Variants in PCDHA5 observed in about 807,000 individuals in gnomAD.
The protein encoded by PCDHA5 is protocadherin alpha-5.
PCDHA5 carries 43 observed loss-of-function variants against 61.6 expected under a neutral mutation model. The ratio of observed to expected loss-of-function variants is 0.70; its 90% CI spans 0.55 to 0.90. PCDHA5 has a LOEUF of 0.90. Among genes scored for constraint, PCDHA5 ranks in the 40% least tolerant of loss-of-function variants. The pLI is 0.00. For missense variants in PCDHA5, 1,298 were observed against 1,222.7 expected (o/e 1.06, Z -0.92); for synonymous variants, 627 against 543.9 (o/e 1.15, Z -2.13).
At chr5:140,934,279 A>G (rs2089746811) in intron 1 of PCDHA5, among the ~76,000 whole-genome samples, 1 of 152,104 alleles carries the variant, frequency 6.6e-6, no homozygotes, top group South Asian at 2.1e-4. Flanking sequence ...TGCTTCATCA[A>G]GGGCATTCTT....
Position 140,822,563 on chromosome 5 carries a change from T to A in PCDHA5, c.788T>A (p.Leu263Gln). The stretch of plus-strand genomic sequence containing the variant: ...CCAAGTGGGACATTAGTTATTAAAC[T>A]GAACGCCTCAGATGCAGATGAGGGC... ...NAPSGTLVIKLNASDADEGIN... is the reference protein window; with the variant it reads ...NAPSGTLVIKQNASDADEGIN... Residue 263 changes from leucine (L) to glutamine (Q), a missense_variant, in exon 1 of 4, where the codon CTG becomes CAG. By Grantham distance (113) the Leu-to-Gln change is moderately radical. Transcript: ENST00000529859. 1.9e-6 allele frequency: 3 copies of A among 1,613,440 alleles called. No individual in the cohort carries two copies. Among genetic ancestry groups the A allele is most frequent in the Non-Finnish European group, 2.5e-6 (3 of 1,179,528 alleles).
At chr5:140,968,961 A>G (rs1554231270) in intron 1 of PCDHA5, 1 of 1,614,088 alleles carries the variant, frequency 6.2e-7, no homozygotes, top group African/African-American at 1.3e-5. Context: ...ATCAAGTGCT[A>G]CCGCTACACT....
chr5:140,868,930 G>T, intron 1 of PCDHA5: 8 of 1,085,624 alleles, frequency 7.4e-6, no homozygotes, highest in Non-Finnish European at 1.0e-5. Context: ...TTCATTTAAA[G>T]GTTGGTCTGA....
At chr5:140,874,401 A>G (rs2054889687) in intron 1 of PCDHA5, among the ~76,000 whole-genome samples, 1 of 152,218 alleles carries the variant, frequency 6.6e-6, no homozygotes, top group African/African-American at 2.4e-5. Context: ...CTTGCATAAC[A>G]GTCACCATTC....
At chr5:140,863,208 C>T in intron 1 of PCDHA5, 2 of 990,676 alleles carry the variant, frequency 2.0e-6, no homozygotes, top group Non-Finnish European at 3.1e-6. Context: ...TGGCGGAGAG[C>T]AGCCAAGCGA....
intron 1 of PCDHA5, among the ~76,000 whole-genome samples, chr5:140,907,888 C>G (rs1441879791): frequency 6.6e-6 from 1 of 152,234 alleles, no homozygotes; most frequent in Non-Finnish European, 1.5e-5. Flanking sequence ...ACATGGGATA[C>G]AAATATCTTC....
chr5:140,842,218 G>A, intron 1 of PCDHA5: 1 of 1,613,154 alleles, frequency 6.2e-7, no homozygotes, highest in Non-Finnish European at 8.5e-7. Context: ...ATCGAAATAC[G>A]GGAGAAATAG....
intron 1 of PCDHA5, among the ~76,000 whole-genome samples, chr5:140,955,604 C>T (rs1431862665): frequency 7.2e-5 from 11 of 152,060 alleles, no homozygotes; most frequent in Non-Finnish European, 1.5e-4. Context: ...TATAAATTAC[C>T]CAGTCTCAGG....
intron 1 of PCDHA5, chr5:140,841,865 G>C: frequency 1.2e-6 from 2 of 1,613,856 alleles, no homozygotes; most frequent in Non-Finnish European, 1.7e-6. Flanking sequence ...CATGCTAGAT[G>C]TGAATTCAAA....
intron 3 of PCDHA5, among the ~76,000 whole-genome samples, chr5:141,000,961 C>A (rs1207814885): frequency 6.6e-6 from 1 of 151,948 alleles, no homozygotes; most frequent in Non-Finnish European, 1.5e-5. Flanking sequence ...GTAATTTAAG[C>A]CTTCATATTC....
At chr5:141,009,494 A>T in intron 3 of PCDHA5, 133 bp from the exon 4 acceptor site, 1 of 1,488,918 alleles carries the variant, frequency 6.7e-7, no homozygotes, top group South Asian at 1.4e-5. Flanking sequence ...TTGCCCTCAG[A>T]CTTGAACAAA....
In PCDHA5 at chr5:140,852,727, G is replaced by T. The variant is rs1395858951; in HGVS notation, c.2352+28600G>T. The T allele has an allele frequency of 2.0e-6, 2 of 983,412 alleles. 1 individual carries two copies. The highest frequency in any genetic ancestry group is 2.5e-6 in the Non-Finnish European group (2 of 816,078). 60.9% of individuals were successfully genotyped at this position (983,412 alleles called of 1,614,324 possible). A position where few individuals can be genotyped will look rare whatever the true frequency, so the allele number is the denominator to read the frequency against. On this transcript the variant is annotated intron_variant, in intron 1 of 3. Transcript: ENST00000529859. ...ATCTTTGTCTTTGCACGTTTTTCAA[G>T]TTTCATGTGCCATTTAAACTTGGAC...
At chr5:140,877,127 A>G (rs2056869003) in intron 1 of PCDHA5, 1 of 1,613,602 alleles carries the variant, frequency 6.2e-7, no homozygotes, top group African/African-American at 1.3e-5. Flanking sequence ...GTGACGCTGC[A>G]GGTGTTCGTG....
chr5:140,824,401 T>A (rs1459968024), intron 1 of PCDHA5: 3 of 544,498 alleles, frequency 5.5e-6, no homozygotes, highest in Non-Finnish European at 9.7e-6. Context: ...GGATAATAAT[T>A]GTAAGACATA....
At chr5:140,851,027 C>A in intron 1 of PCDHA5, 2 of 1,410,188 alleles carry the variant, frequency 1.4e-6, no homozygotes, top group Non-Finnish European at 1.9e-6. Flanking sequence ...TAAAGTAAAC[C>A]CCTTAACATT....
chr5:140,882,022 A>G (rs2153382292), intron 1 of PCDHA5: 2 of 571,970 alleles, frequency 3.5e-6, no homozygotes, highest in Non-Finnish European at 5.6e-6. Flanking sequence ...TACTACATCA[A>G]TGGAAAATAT....
chr5:140,823,399 C>G lies in PCDHA5; in HGVS notation c.1624C>G (p.Pro542Ala). 1 of 1,612,960 alleles carries G rather than the reference C, an allele frequency of 6.2e-7. No individual in the cohort carries two copies. The highest frequency in any genetic ancestry group is 8.5e-7 in the Non-Finnish European group (1 of 1,179,808). The change falls in exon 1 of 4, where the codon CCG becomes GCG. Residue 542 changes from proline to alanine, a missense_variant. Physicochemically the swap from Pro to Ala is conservative, Grantham distance 27. Coordinates refer to ENST00000529859, the MANE Select transcript of PCDHA5 (RefSeq NM_018908.3). Reference sequence around the variant, plus strand: ...GGTGAGCGCGCGCGACGCGGGCGTGCCGCCTCTGGGCAGCAACGTGACGCT... The same window carrying G: ...GGTGAGCGCGCGCGACGCGGGCGTGGCGCCTCTGGGCAGCAACGTGACGCT... ...FQVSARDAGV[P>A]PLGSNVTLQV...
intron 1 of PCDHA5, chr5:140,967,436 C>A (rs781894469): frequency 1.2e-6 from 2 of 1,613,378 alleles, no homozygotes; most frequent in Non-Finnish European, 8.5e-7. Flanking sequence ...AGCCTTGCAC[C>A]ACCTGGTTCT....
At chr5:140,901,439 A>G (rs2068668793) in intron 1 of PCDHA5, among the ~76,000 whole-genome samples, 1 of 152,164 alleles carries the variant, frequency 6.6e-6, no homozygotes, top group South Asian at 2.1e-4. Flanking sequence ...ATGGATATCT[A>G]GTTTCCCAGC....
Sources: gnomAD v4.1 joint callset for allele counts (sites outside exome capture counted in the v4.1 genomes callset) on GRCh38, gnomAD v4.1.1 for gene constraint, MANE v1.5 for transcripts, NCBI Gene and HGNC (gene_info 2026-07-23, HGNC 2026-07-21) for gene names.